Variants in ZNF705G observed in about 807,000 individuals in gnomAD.
ZNF705G encodes the protein putative zinc finger protein 705G.
A neutral mutation model predicts 19.6 loss-of-function variants in ZNF705G; 23 were observed. The ratio of observed to expected loss-of-function variants is 1.17; its 90% CI spans 0.84 to 1.66. The LOEUF (loss-of-function observed/expected upper bound fraction) is 1.66. ZNF705G is among the 40% of genes most tolerant of loss of function. The probability of loss-of-function intolerance (pLI) is 0.00; values close to 1 mark genes in which losing one functional copy is unlikely to be tolerated. For synonymous variants in ZNF705G, 146 were observed against 117.7 expected, an observed-to-expected ratio of 1.24 and a Z score of -1.56; for missense variants, 457 against 354.4, an observed-to-expected ratio of 1.29 and a Z score of -2.32.
intron 2 of ZNF705G, among the ~76,000 whole-genome samples, chr8:7,365,125 A>G (rs2128839095): frequency 6.7e-6 from 1 of 149,762 alleles, no homozygotes; most frequent in East Asian, 1.9e-4. Context: ...TTCATAAAGG[A>G]CTCTTGTGTG....
chr8:7,358,904 T>G lies in ZNF705G; in HGVS notation c.319-344A>C, dbSNP rs999744912. ...CCATGGCAATGCAAACTGATAACTT[T>G]TCTTTACAAGTGCAGTCATCCCCAG... On this transcript the variant is annotated intron_variant, in intron 6 of 6. Coordinates refer to ENST00000400156, the MANE Select transcript of ZNF705G (RefSeq NM_001164457.3). Among the ~76,000 whole-genome samples, 5 of 149,446 alleles carry G rather than the reference T, an allele frequency of 3.3e-5. 1 individual carries two copies. Among genetic ancestry groups the G allele is most frequent in the South Asian group, 2.1e-4 (1 of 4,770 alleles).
intron 1 of ZNF705G, among the ~76,000 whole-genome samples, chr8:7,383,609 T>C (rs1263085595): frequency 6.8e-6 from 1 of 147,306 alleles, no homozygotes; most frequent in Non-Finnish European, 1.5e-5. Context: ...CATTCATCTG[T>C]TGAAATGCCA....
chr8:7,370,548 A>T (rs1194296085), intron 2 of ZNF705G, among the ~76,000 whole-genome samples: 5 of 147,358 alleles, frequency 3.4e-5, no homozygotes, highest in South Asian at 4.2e-4. Flanking sequence ...TTTCTCAAAA[A>T]TTTTTTAAAT....
chr8:7,380,745 C>T (rs1202964225), intron 2 of ZNF705G, among the ~76,000 whole-genome samples: 1 of 146,696 alleles, frequency 6.8e-6, no homozygotes, highest in Non-Finnish European at 1.5e-5. Flanking sequence ...CTTGAGAAAG[C>T]CACCTGACTC....
chr8:7,358,394 T>C lies in ZNF705G; in HGVS notation c.485A>G (p.His162Arg), dbSNP rs368062945. The C allele has an allele frequency of 1.5e-5, 24 of 1,607,696 alleles. 1 individual carries two copies. In the African/African-American group the frequency reaches 1.8e-4, roughly 12 times the overall value. Reference protein sequence around the residue: ...SLRNLLSTEPHKQIHTKGKSY... With the variant: ...SLRNLLSTEPRKQIHTKGKSY... ...TTTACCTTTAGTATGAATTTGTTTA[T>C]GTGGTTCAGTGGACAAAAGATTACG... is the stretch of plus-strand genomic sequence containing the variant. The change falls in exon 7 of 7, where the codon CAT (histidine) becomes CGT (arginine). Residue 162 changes from histidine (H) to arginine (R), a missense_variant. Transcript: ENST00000400156.
At chr8:7,365,333 G>C (rs11985414) in intron 2 of ZNF705G, among the ~76,000 whole-genome samples, 53,925 of 144,768 alleles carry the variant, frequency 0.37, 5,030 homozygotes, top group African/African-American at 0.49. Flanking sequence ...TTCAAGATGA[G>C]AGCCTGCACA....
At chr8:7,368,318 A>G (rs1452413657) in intron 2 of ZNF705G, among the ~76,000 whole-genome samples, 1 of 149,478 alleles carries the variant, frequency 6.7e-6, no homozygotes, top group Non-Finnish European at 1.5e-5. Context: ...TTTTAATCAT[A>G]AGTACTTTTG....
chr8:7,359,414 C>T (rs1182827925), intron 6 of ZNF705G, among the ~76,000 whole-genome samples: 1 of 149,790 alleles, frequency 6.7e-6, no homozygotes, highest in Non-Finnish European at 1.5e-5. Flanking sequence ...TGTATATGCA[C>T]TTGTTCTATT....
chr8:7,367,471 C>A (rs1806909141), intron 2 of ZNF705G, among the ~76,000 whole-genome samples: 1 of 149,410 alleles, frequency 6.7e-6, no homozygotes, highest in Non-Finnish European at 1.5e-5. Context: ...CGGGGGCACG[C>A]TCCACCGGAA....
chr8:7,358,114 A>T lies in ZNF705G; in HGVS notation c.765T>A (p.Cys255Ter). ...CTTTCCCACTTTTATCACATTCATAACACTTTTTTCCAAGGTGAGTTCTCT... is the reference window on the plus strand; with the variant it reads ...CTTTCCCACTTTTATCACATTCATATCACTTTTTTCCAAGGTGAGTTCTCT... ...RHERTHLGKK[C>*]YECDKSGKAF... The change falls in exon 7 of 7, where the codon TGT (cysteine) becomes TGA (stop). Residue 255 changes from cysteine (C) to a stop codon, truncating the protein, a stop_gained. Coordinates refer to ENST00000400156, the MANE Select transcript of ZNF705G (RefSeq NM_001164457.3). LOFTEE classifies it low-confidence loss of function (END_TRUNC). 2 of 1,607,706 alleles carry T rather than the reference A, an allele frequency of 1.2e-6. No individual in the cohort carries two copies. The highest frequency in any genetic ancestry group is 1.1e-5 in the South Asian group (1 of 90,722).
chr8:7,379,574 G>C (rs755384915), intron 2 of ZNF705G, among the ~76,000 whole-genome samples: 4 of 147,128 alleles, frequency 2.7e-5, no homozygotes, highest in Non-Finnish European at 5.9e-5. Context: ...AAGTGATGAG[G>C]AATCTCTGAG....
rs543346889 is a variant in ZNF705G, at chr8:7,380,575, C to T, written c.-72+877G>A. ...GCACCAGGTGAAAGCCTGAGGACTA[C>T]TCTGTCCATCATGTTGCCATGACTG... On this transcript the variant is annotated intron_variant, in intron 2 of 6. Coordinates refer to ENST00000400156, the MANE Select transcript of ZNF705G (RefSeq NM_001164457.3). Among the ~76,000 whole-genome samples, 6 of 147,272 alleles carry T rather than the reference C, an allele frequency of 4.1e-5. 1 individual carries two copies. Among genetic ancestry groups the T allele is most frequent in the African/African-American group, 1.6e-4 (6 of 36,778 alleles).
chr8:7,366,678 T>C (rs1374188389), intron 2 of ZNF705G, among the ~76,000 whole-genome samples: 2 of 149,710 alleles, frequency 1.3e-5, no homozygotes, highest in African/African-American at 5.1e-5. Flanking sequence ...TAAAAAATAA[T>C]CTAAGTACTT....
In ZNF705G at chr8:7,355,533, A is replaced by G. The variant is rs1416456186; in HGVS notation, c.*2443T>C. On this transcript the variant is annotated 3_prime_UTR_variant, in exon 7 of 7. Transcript: ENST00000400156. ...ATTGAGTATGATACCTTGTGCTTTA[A>G]TTAAAGAAGATGGAAATAAAGAAGC... 6.7e-6 allele frequency: 1 copy of G among 150,022 alleles called. No individual in the cohort carries two copies. The highest frequency in any genetic ancestry group is 1.5e-5 in the Non-Finnish European group (1 of 68,064). The allele number at this position is 150,022 out of a possible 1,614,324, so 9.3% of individuals were successfully genotyped here. A position where few individuals can be genotyped will look rare whatever the true frequency, so the allele number is the denominator to read the frequency against.
chr8:7,357,072 T>G lies in ZNF705G; in HGVS notation c.*904A>C, dbSNP rs1456473339. 1.3e-5 allele frequency: 2 copies of G among 150,038 alleles called. No homozygotes were observed. The highest frequency in any genetic ancestry group is 2.9e-5 in the Non-Finnish European group (2 of 68,028). 9.3% of individuals were successfully genotyped at this position (150,038 alleles called of 1,614,324 possible). On this transcript the variant is annotated 3_prime_UTR_variant, in exon 7 of 7. Coordinates refer to ENST00000400156, the MANE Select transcript of ZNF705G (RefSeq NM_001164457.3). ...GTTTCTCCACAGTGATTTTCAAGTT[T>G]GATAGCTCCTCAATGTGAGAAACTC...
chr8:7,367,853 T>C (rs1585418353), intron 2 of ZNF705G, among the ~76,000 whole-genome samples: 1 of 149,884 alleles, frequency 6.7e-6, no homozygotes, highest in Non-Finnish European at 1.5e-5. Context: ...CATGCAGCTA[T>C]GCTGCCAGTA....
At chr8:7,369,087 CT>C (rs1412793574) in intron 2 of ZNF705G, among the ~76,000 whole-genome samples, 1 of 149,510 alleles carries the variant, frequency 6.7e-6, no homozygotes, top group African/African-American at 2.6e-5. Context: ...CTGGTTTCCC[CT>C]TATCAAACCA....
intron 6 of ZNF705G, among the ~76,000 whole-genome samples, chr8:7,359,118 A>G (rs1806442274): frequency 6.7e-6 from 1 of 149,666 alleles, no homozygotes; most frequent in African/African-American, 2.6e-5. Flanking sequence ...CTTTTACATG[A>G]AAATTGTGTA....
Position 7,358,155 on chromosome 8 carries a change from T to A in ZNF705G, c.724A>T (p.Asn242Tyr). Residue 242 changes from asparagine (N) to tyrosine (Y), a missense_variant, in exon 7 of 7, where the codon AAC becomes TAC. Asn to Tyr is a moderately radical substitution (Grantham distance 143, BLOSUM62 -2). Transcript: ENST00000400156. ...TGAGTTCTCTCATGTCTTTGAAGGTTAAAGGATTGAATAAAGACTTTCCCA... is the reference window on the plus strand; with the variant it reads ...TGAGTTCTCTCATGTCTTTGAAGGTAAAAGGATTGAATAAAGACTTTCCCA... Reference protein sequence around the residue: ...QYGKVFIQSFNLQRHERTHLG... With the variant: ...QYGKVFIQSFYLQRHERTHLG... 1 of 1,607,544 alleles carries A rather than the reference T, an allele frequency of 6.2e-7. No homozygotes were observed. The highest frequency in any genetic ancestry group is 8.5e-7 in the Non-Finnish European group (1 of 1,179,614).
Sources: allele counts gnomAD v4.1 joint callset (sites outside exome capture counted in the v4.1 genomes callset), GRCh38; gene constraint gnomAD v4.1.1; transcripts MANE v1.5; gene names NCBI Gene and HGNC (gene_info 2026-07-23, HGNC 2026-07-21).